HEATR5A: variants seen among roughly 807,000 people sequenced by gnomAD.
HEATR5A encodes the protein HEAT repeat-containing protein 5A.
In HEATR5A, 178 loss-of-function variants were observed where a neutral mutation model predicts 218.8. The ratio of observed to expected loss-of-function variants is 0.81; its 90% CI spans 0.72 to 0.92. The LOEUF (loss-of-function observed/expected upper bound fraction) is 0.92, where lower values mean the gene tolerates loss of function less well. Among genes scored for constraint, HEATR5A ranks in the 40% least tolerant of loss-of-function variants. HEATR5A has a pLI of 0.00. For synonymous variants in HEATR5A, 864 were observed against 871.6 expected, an observed-to-expected ratio of 0.99 and a Z score of 0.15; for missense variants, 2,420 against 2,418.9, an observed-to-expected ratio of 1.00 and a Z score of -0.01.
rs777193538 is a variant in HEATR5A, at chr14:31,315,799, T to A, written c.4189A>T (p.Ile1397Phe). ...GCCCAGGCTTTAAGCACAGCTAAGATCTCCATGGTAGAAGCACTTTCATTA... is the reference window on the plus strand; with the variant it reads ...GCCCAGGCTTTAAGCACAGCTAAGAACTCCATGGTAGAAGCACTTTCATTA... Reference protein sequence around the residue: ...LYNESASTMEILAVLKAWAEV... With the variant: ...LYNESASTMEFLAVLKAWAEV... The change falls in exon 27 of 36, where the codon ATC becomes TTC. Residue 1397 changes from isoleucine to phenylalanine, a missense_variant. Transcript: ENST00000543095. The A allele has an allele frequency of 3.7e-6, 6 of 1,610,934 alleles. No homozygotes were observed. Among genetic ancestry groups the A allele is most frequent in the Non-Finnish European group, 5.1e-6 (6 of 1,178,634 alleles).
At chr14:31,420,295 G>C (rs1198603895) in intron 1 of HEATR5A, 177 bp downstream of exon 1, 1 of 152,332 alleles carries the variant, frequency 6.6e-6, no homozygotes, top group East Asian at 1.9e-4. Flanking sequence ...CCCCTCGACC[G>C]GTTCTCCCAC....
At chr14:31,310,851 A>C (rs577960884) in intron 28 of HEATR5A, among the ~76,000 whole-genome samples, 11 of 152,228 alleles carry the variant, frequency 7.2e-5, no homozygotes, top group African/African-American at 2.4e-4. Context: ...ATTCCAATGA[A>C]AATTCTAATA....
rs140877122 is a variant in HEATR5A, at chr14:31,374,267, A to G, written c.1861+549T>C. 8.8e-3 allele frequency among the ~76,000 whole-genome samples: 1,335 copies of G among 151,180 alleles called. 14 individuals carry two copies. Among genetic ancestry groups the G allele is most frequent in the African/African-American group, 0.031 (1,262 of 41,090 alleles). ...TGCAGTGAGCTGTGTTCACACCACA[A>G]CATTCTAGCCTGGGCAACAGTGAGA... is the stretch of plus-strand genomic sequence containing the variant. On this transcript the variant is annotated intron_variant, in intron 12 of 35. Coordinates refer to ENST00000543095, the MANE Select transcript of HEATR5A (RefSeq NM_015473.4).
At chr14:31,405,042 T>C (rs1011908147) in intron 1 of HEATR5A, among the ~76,000 whole-genome samples, 1 of 107,010 alleles carries the variant, frequency 9.3e-6, no homozygotes, top group Non-Finnish European at 1.7e-5. Context: ...TAGGTAACAG[T>C]GGGACACTGT....
At chr14:31,387,082 A>G in intron 8 of HEATR5A, 38 bp downstream of exon 8, 1 of 1,603,136 alleles carries the variant, frequency 6.2e-7, no homozygotes, top group Non-Finnish European at 8.5e-7. Context: ...CAATTCCATT[A>G]GCACTGTTAA....
In HEATR5A at chr14:31,387,301, G is replaced by A. The variant is rs1247978205; in HGVS notation, c.1008C>T (p.Ile336=). 1 of 1,613,864 alleles carries A rather than the reference G, an allele frequency of 6.2e-7. No homozygotes were observed. Among genetic ancestry groups the A allele is most frequent in the African/African-American group, 1.3e-5 (1 of 75,000 alleles). ...EKNFAAFFSH[I]LSLASPSHPK... ...GGTGTGACGGTGACGCAAGGCTTAG[G>A]ATATGAGAAAAAAAGGCAGCAAAAT... is the stretch of plus-strand genomic sequence containing the variant. Residue 336 remains isoleucine (I), a synonymous_variant, in exon 8 of 36, where the codon ATC becomes ATT. Transcript: ENST00000543095.
At chr14:31,295,796 A>T in intron 34 of HEATR5A, 113 bp downstream of exon 34, 1 of 781,246 alleles carries the variant, frequency 1.3e-6, no homozygotes, top group Non-Finnish European at 2.1e-6. Flanking sequence ...ATCTAAAAAT[A>T]AAAAAATTGT....
chr14:31,359,729 CAA>C (rs376157768), intron 14 of HEATR5A, among the ~76,000 whole-genome samples: 106 of 32,190 alleles, frequency 3.3e-3, no homozygotes, highest in African/African-American at 6.2e-3. Context: ...CATCTCAAGA[CAA>C]AAAAAAAAAA....
intron 1 of HEATR5A, among the ~76,000 whole-genome samples, chr14:31,406,389 C>T (rs2031061506): frequency 6.6e-6 from 1 of 152,194 alleles, no homozygotes; most frequent in Non-Finnish European, 1.5e-5. Flanking sequence ...TTAACAGAAG[C>T]AGCTAATATT....
chr14:31,400,566 T>G (rs1339947184), intron 2 of HEATR5A, 54 bp from the exon 3 acceptor site: 1 of 1,126,454 alleles, frequency 8.9e-7, no homozygotes, highest in Non-Finnish European at 1.2e-6. Context: ...TTATCTGTAA[T>G]CCCCTAATAT....
chr14:31,337,637 C>A, intron 21 of HEATR5A, 23 bp from the exon 22 acceptor site: 1 of 1,587,384 alleles, frequency 6.3e-7, no homozygotes, highest in Non-Finnish European at 8.6e-7. Flanking sequence ...ATTTGAGGAA[C>A]GACAGAGCTA....
intron 1 of HEATR5A, among the ~76,000 whole-genome samples, chr14:31,418,983 T>C (rs2031550220): frequency 6.6e-6 from 1 of 152,164 alleles, no homozygotes; most frequent in South Asian, 2.1e-4. Context: ...TAGTTAATTT[T>C]AATTAATAAT....
chr14:31,346,065 GCT>G (rs1404824398), intron 19 of HEATR5A, among the ~76,000 whole-genome samples: 1 of 152,196 alleles, frequency 6.6e-6, no homozygotes, highest in East Asian at 1.9e-4. Flanking sequence ...TAAATTAAAA[GCT>G]CTCTCTTCAG....
intron 1 of HEATR5A, among the ~76,000 whole-genome samples, chr14:31,419,648 T>G (rs1405278665): frequency 2.0e-5 from 3 of 152,228 alleles, no homozygotes; most frequent in African/African-American, 7.2e-5. Context: ...TGACCTTTAA[T>G]GTAGGAGCTC....
Position 31,371,829 on chromosome 14 carries a change from C to A in HEATR5A, c.1942G>T (p.Ala648Ser). 2 of 1,535,782 alleles carry A rather than the reference C, an allele frequency of 1.3e-6. No homozygotes were observed. Among genetic ancestry groups the A allele is most frequent in the Non-Finnish European group, 1.8e-6 (2 of 1,134,660 alleles). ...GCTTACTGAGTTAGCAAATCCACAGCACAAGGAAGTGGTGGAAGAAGACGC... is the reference window on the plus strand; with the variant it reads ...GCTTACTGAGTTAGCAAATCCACAGAACAAGGAAGTGGTGGAAGAAGACGC... ...TQRLLPPLPC[A>S]VDLLTQLSSI... Residue 648 changes from alanine to serine, a missense_variant, in exon 13 of 36, where the codon GCT becomes TCT. Physicochemically the swap from Ala to Ser is moderately conservative, Grantham distance 99. Coordinates refer to ENST00000543095, the MANE Select transcript of HEATR5A (RefSeq NM_015473.4).
chr14:31,398,935 T>C lies in HEATR5A; in HGVS notation c.339-154A>G, dbSNP rs73259385. ...TCCTTTGAAACACAAACATATTTAA[T>C]TGTGATGAAGTCTCATCTATTTTTT... On this transcript the variant is annotated intron_variant, in intron 3 of 35. Transcript: ENST00000543095. Among the ~76,000 whole-genome samples, 1,338 of 152,304 alleles carry C rather than the reference T, an allele frequency of 8.8e-3. 18 individuals are homozygous for C. Among genetic ancestry groups the C allele is most frequent in the African/African-American group, 0.031 (1,286 of 41,536 alleles).
chr14:31,315,825 T>G lies in HEATR5A; in HGVS notation c.4163A>C (p.Tyr1388Ser), dbSNP rs1009413479. The G allele has an allele frequency of 1.1e-5, 18 of 1,613,272 alleles. No individual in the cohort carries two copies. Among genetic ancestry groups the G allele is most frequent in the Non-Finnish European group, 1.4e-5 (16 of 1,179,602 alleles). The change falls in exon 27 of 36, where the codon TAT becomes TCT. Residue 1388 changes from tyrosine to serine, a missense_variant. Transcript: ENST00000543095. The stretch of plus-strand genomic sequence containing the variant: ...CTCCATGGTAGAAGCACTTTCATTA[T>G]ATAAGTGACTTAGAGCTTCTTTTCC... ...QAGKEALSHLYNESASTMEIL... is the reference protein window; with the variant it reads ...QAGKEALSHLSNESASTMEIL...
chr14:31,370,803 A>C (rs905280153), intron 13 of HEATR5A, among the ~76,000 whole-genome samples: 6 of 152,234 alleles, frequency 3.9e-5, no homozygotes, highest in African/African-American at 1.4e-4. Flanking sequence ...TGAATAACAA[A>C]AGCAAGCCCC....
At chr14:31,400,642 A>G in intron 2 of HEATR5A, 130 bp from the exon 3 acceptor site, 2 of 637,498 alleles carry the variant, frequency 3.1e-6, no homozygotes, top group Non-Finnish European at 5.2e-6. Context: ...CTTTGACTGG[A>G]AGTTACAAAT....
Sources: gnomAD v4.1 joint callset for allele counts (sites outside exome capture counted in the v4.1 genomes callset) on GRCh38, gnomAD v4.1.1 for gene constraint, MANE v1.5 for transcripts, NCBI Gene and HGNC (gene_info 2026-07-23, HGNC 2026-07-21) for gene names.